The following JPH3 variants were observed in gnomAD, a reference collection of about 807,000 sequenced individuals.
JPH3 encodes junctophilin 3, also known as junctophilin-3.
Under a neutral mutation model 59.6 loss-of-function variants are expected in JPH3, and 11 were observed. That is an observed-to-expected ratio of 0.18 (90% CI 0.12 to 0.31). The LOEUF is 0.31. Among genes scored for constraint, JPH3 ranks in the 10% least tolerant of loss-of-function variants. The pLI, the probability that JPH3 is intolerant of heterozygous loss-of-function variation, is 1.00. For synonymous variants in JPH3, 673 were observed against 483.6 expected, an observed-to-expected ratio of 1.39 and a Z score of -5.14; for missense variants, 1,202 against 1,105.7, an observed-to-expected ratio of 1.09 and a Z score of -1.24.
chr16:87,677,980 G>A (rs940588149), intron 2 of JPH3, among the ~76,000 whole-genome samples: 1 of 152,258 alleles, frequency 6.6e-6, no homozygotes, highest in Admixed American at 6.5e-5. Flanking sequence ...AAGGCTGGGT[G>A]TGGTGGCTCC....
At chr16:87,674,758 T>TTTTA (rs1278660136) in intron 2 of JPH3, among the ~76,000 whole-genome samples, 3 of 152,146 alleles carry the variant, frequency 2.0e-5, no homozygotes, top group Admixed American at 6.5e-5. Flanking sequence ...TTTTGTATAT[T>TTTTA]TTTATTTATT....
intron 2 of JPH3, among the ~76,000 whole-genome samples, chr16:87,650,218 T>C (rs1375739385): frequency 6.6e-6 from 1 of 152,242 alleles, no homozygotes; most frequent in Non-Finnish European, 1.5e-5. Context: ...TTTCAAGCTT[T>C]TTCATGATTA....
At chr16:87,673,266 A>T (rs2033063331) in intron 2 of JPH3, among the ~76,000 whole-genome samples, 1 of 152,178 alleles carries the variant, frequency 6.6e-6, no homozygotes, top group Non-Finnish European at 1.5e-5. Flanking sequence ...AGAAATGTAA[A>T]TTAAAACTAC....
chr16:87,671,073 G>A (rs1042864823), intron 2 of JPH3, among the ~76,000 whole-genome samples: 5 of 152,172 alleles, frequency 3.3e-5, no homozygotes, highest in African/African-American at 9.6e-5. Context: ...CCCTGCACCC[G>A]GAGTTTAACA....
intron 4 of JPH3, among the ~76,000 whole-genome samples, chr16:87,691,840 T>G (rs1252682482): frequency 6.6e-6 from 1 of 152,022 alleles, no homozygotes; most frequent in Non-Finnish European, 1.5e-5. Context: ...GCCGGAGATG[T>G]GTGCGTGGCT....
At chr16:87,615,649 A>T (rs1461717915) in intron 1 of JPH3, among the ~76,000 whole-genome samples, 1 of 152,202 alleles carries the variant, frequency 6.6e-6, no homozygotes, top group Non-Finnish European at 1.5e-5. Flanking sequence ...CTCTGTGCGC[A>T]TCTGGGTCGC....
intron 2 of JPH3, among the ~76,000 whole-genome samples, chr16:87,679,270 G>T (rs144296804): frequency 7.1e-4 from 102 of 144,632 alleles, no homozygotes; most frequent in African/African-American, 2.4e-3. Flanking sequence ...TTTTTTAAAT[G>T]AAAAATGGGG....
At chr16:87,617,464 C>T (rs1177307525) in intron 1 of JPH3, among the ~76,000 whole-genome samples, 1 of 152,086 alleles carries the variant, frequency 6.6e-6, no homozygotes, top group Non-Finnish European at 1.5e-5. Flanking sequence ...AGAGCTGGTG[C>T]TGGGCCGTGT....
At chr16:87,657,173 T>C (rs2032530578) in intron 2 of JPH3, among the ~76,000 whole-genome samples, 2 of 152,190 alleles carry the variant, frequency 1.3e-5, no homozygotes, top group African/African-American at 2.4e-5. Context: ...GGGTGAGCCC[T>C]GCTTCTCAAG....
intron 1 of JPH3, among the ~76,000 whole-genome samples, chr16:87,618,621 G>A (rs2031060589): frequency 6.6e-6 from 1 of 152,194 alleles, no homozygotes; most frequent in South Asian, 2.1e-4. Flanking sequence ...CCAGCAGCAT[G>A]GGGGCTCTGG....
rs1037225605 is a variant in JPH3 at position 87,657,442 on chromosome 16, G to T, written c.1160+12407G>T. On this transcript the variant is annotated intron_variant, in intron 2 of 4. Transcript: ENST00000284262. ...TCTTCATGGGTGTAGGGTTTCTGTTGAGGGCGACGACAGTACCCTGCAAGT... is the reference window on the plus strand; with the variant it reads ...TCTTCATGGGTGTAGGGTTTCTGTTTAGGGCGACGACAGTACCCTGCAAGT... Among the ~76,000 whole-genome samples, 3 of 152,288 alleles carry T rather than the reference G, an allele frequency of 2.0e-5. No individual in the cohort carries two copies. The East Asian group carries it at 5.8e-4, about 29-fold the overall frequency.
At position 87,616,192 on chromosome 16, in the gene JPH3, G is replaced by T. The variant is rs111769488; in HGVS notation, c.382+12664G>T. 2.8e-3 allele frequency among the ~76,000 whole-genome samples: 164 copies of T among 59,168 alleles called. 1 individual carries two copies. Among genetic ancestry groups the T allele is most frequent in the African/African-American group, 9.7e-3 (155 of 15,950 alleles). 38.8% of individuals were successfully genotyped at this position (59,168 alleles called of 152,430 possible). On this transcript the variant is annotated intron_variant, in intron 1 of 4. Coordinates refer to ENST00000284262, the MANE Select transcript of JPH3 (RefSeq NM_020655.4). ...CAGAACAGCAACGCAATCTGGTTTT[G>T]TGTGTGTGTGTGTGTGTGTGTGTGT...
At chr16:87,631,939 G>C (rs2031577881) in intron 1 of JPH3, among the ~76,000 whole-genome samples, 1 of 151,708 alleles carries the variant, frequency 6.6e-6, no homozygotes, top group Admixed American at 6.6e-5. Flanking sequence ...TTAAATTCTG[G>C]TCCCTCGATG....
At chr16:87,628,368 C>T (rs1460937633) in intron 1 of JPH3, among the ~76,000 whole-genome samples, 1 of 152,256 alleles carries the variant, frequency 6.6e-6, no homozygotes, top group Non-Finnish European at 1.5e-5. Context: ...CTAGCTGCCG[C>T]ACTTCAGAGT....
chr16:87,639,616 C>A (rs2031873589), intron 1 of JPH3, among the ~76,000 whole-genome samples: 1 of 150,434 alleles, frequency 6.6e-6, no homozygotes, highest in Admixed American at 6.6e-5. Context: ...TCCTGTCCTC[C>A]CTCCTGGCCT....
At chr16:87,670,513 T>C (rs2032987685) in intron 2 of JPH3, among the ~76,000 whole-genome samples, 1 of 152,212 alleles carries the variant, frequency 6.6e-6, no homozygotes, top group African/African-American at 2.4e-5. Context: ...GAGCGGCCTG[T>C]CCCTCTCCCC....
intron 2 of JPH3, among the ~76,000 whole-genome samples, chr16:87,658,869 C>A (rs1027716627): frequency 1.5e-4 from 23 of 152,368 alleles, no homozygotes; most frequent in African/African-American, 5.0e-4. Context: ...CCTATTTCCT[C>A]CTCTCCAAAC....
intron 1 of JPH3, chr16:87,604,463 A>C: frequency 1.5e-6 from 2 of 1,363,312 alleles, no homozygotes; most frequent in Non-Finnish European, 1.9e-6. Context: ...CCCCAAACAA[A>C]CTGGCTTCCC....
intron 1 of JPH3, among the ~76,000 whole-genome samples, chr16:87,621,014 C>G (rs2031164835): frequency 6.6e-6 from 1 of 152,196 alleles, no homozygotes. Context: ...CAAAAATCAG[C>G]CAGGCATGGT....
Sources: allele counts gnomAD v4.1 joint callset (sites outside exome capture counted in the v4.1 genomes callset), GRCh38; gene constraint gnomAD v4.1.1; transcripts MANE v1.5; gene names NCBI Gene and HGNC (gene_info 2026-07-23, HGNC 2026-07-21).